ERC1: variants seen among roughly 807,000 people sequenced by gnomAD.
The protein encoded by ERC1 is ELKS/RAB6-interacting/CAST family member 1, also known as RAB6 interacting protein 2.
In ERC1, 56 loss-of-function variants were observed where a neutral mutation model predicts 132.0. The observed-to-expected ratio is 0.42, with a 90% CI of 0.34 to 0.53. The LOEUF (loss-of-function observed/expected upper bound fraction) is 0.53, where lower values mean the gene tolerates loss of function less well. ERC1 is among the 20% of genes least tolerant of loss of function. ERC1 has a pLI of 0.03. For synonymous variants in ERC1, 478 were observed against 476.1 expected, an observed-to-expected ratio of 1.00 and a Z score of -0.05; for missense variants, 1,202 against 1,349.9, an observed-to-expected ratio of 0.89 and a Z score of 1.72.
intron 12 of ERC1, among the ~76,000 whole-genome samples, chr12:1,203,081 G>A (rs1175552579): frequency 3.3e-5 from 5 of 152,142 alleles, no homozygotes; most frequent in African/African-American, 9.7e-5. Flanking sequence ...TTTTTGAGAC[G>A]GAGTCTTGCT....
At chr12:990,345 T>C (rs1959169664), upstream of ERC1, 1 of 151,018 alleles carries the variant, frequency 6.6e-6, no homozygotes, top group Non-Finnish European at 1.5e-5. Flanking sequence ...AGCTACCCTC[T>C]GCATGGCTCC....
chr12:1,106,624 T>C (rs769578109), intron 4 of ERC1, among the ~76,000 whole-genome samples: 5 of 152,192 alleles, frequency 3.3e-5, no homozygotes, highest in Non-Finnish European at 7.3e-5. Flanking sequence ...TAATTGGTAG[T>C]CTTGAGTATA....
At chr12:1,253,894 GTCT>G (rs2076623668) in intron 13 of ERC1, among the ~76,000 whole-genome samples, 1 of 152,180 alleles carries the variant, frequency 6.6e-6, no homozygotes, top group South Asian at 2.1e-4. Flanking sequence ...GAATATAGGA[GTCT>G]TCTTCTTTAA....
intron 2 of ERC1, among the ~76,000 whole-genome samples, chr12:1,042,145 C>T (rs1970317719): frequency 6.6e-6 from 1 of 152,094 alleles, no homozygotes; most frequent in Non-Finnish European, 1.5e-5. Context: ...TCACGCCATT[C>T]TCCTGCCTCA....
intron 16 of ERC1, among the ~76,000 whole-genome samples, chr12:1,378,911 G>A (rs1198443841): frequency 1.3e-5 from 2 of 152,102 alleles, no homozygotes; most frequent in African/African-American, 4.8e-5. Flanking sequence ...ATTCCCATTA[G>A]GGACTTCATG....
intron 16 of ERC1, among the ~76,000 whole-genome samples, chr12:1,401,068 T>G (rs1464460190): frequency 2.0e-5 from 3 of 151,478 alleles, no homozygotes; most frequent in Admixed American, 2.0e-4. Context: ...CCCGAGTAGC[T>G]GGGACTACAG....
chr12:1,313,111 C>A (rs2081429526), intron 15 of ERC1, among the ~76,000 whole-genome samples: 1 of 152,010 alleles, frequency 6.6e-6, no homozygotes, highest in Non-Finnish European at 1.5e-5. Context: ...TGGGCTCTTT[C>A]TTTTCCGCTA....
intron 7 of ERC1, among the ~76,000 whole-genome samples, chr12:1,117,227 G>T (rs1371059733): frequency 6.6e-6 from 1 of 152,078 alleles, no homozygotes; most frequent in Non-Finnish European, 1.5e-5. Context: ...TGGAAAAAAG[G>T]AATGAGGAGG....
chr12:1,176,781 C>A (rs557781128), intron 8 of ERC1, among the ~76,000 whole-genome samples: 2 of 152,220 alleles, frequency 1.3e-5, no homozygotes, highest in South Asian at 4.1e-4. Context: ...ATTGACTTAT[C>A]CTCTCTAGCT....
chr12:1,100,738 G>A (rs1160996422), intron 3 of ERC1, among the ~76,000 whole-genome samples: 2 of 152,188 alleles, frequency 1.3e-5, no homozygotes, highest in African/African-American at 4.8e-5. Context: ...ACTTGCAGAT[G>A]TGTTAACAGT....
intron 17 of ERC1, among the ~76,000 whole-genome samples, chr12:1,415,297 G>T (rs1342443860): frequency 2.0e-5 from 3 of 152,150 alleles, no homozygotes; most frequent in Non-Finnish European, 4.4e-5. Context: ...ACCTACCAAG[G>T]GGCTTAAAAG....
rs77179239 is a variant in ERC1 at position 1,473,003 on chromosome 12, C to T, written c.3214-17090C>T. On this transcript the variant is annotated intron_variant, in intron 18 of 18. Transcript: ENST00000360905. ...AATTTTGACTTTGGATAGACAGACC[C>T]GAATGGAGCCAAACTCTTGTTGTTT... 1.8e-3 allele frequency among the ~76,000 whole-genome samples: 281 copies of T among 152,118 alleles called. 3 individuals carry two copies. The highest frequency in any genetic ancestry group is 5.9e-3 in the African/African-American group (245 of 41,510).
At chr12:1,306,106 A>G (rs183537156) in intron 15 of ERC1, among the ~76,000 whole-genome samples, 1 of 152,344 alleles carries the variant, frequency 6.6e-6, no homozygotes, top group Non-Finnish European at 1.5e-5. Flanking sequence ...TTTAAAGAAA[A>G]AAAAACCTTC....
intron 16 of ERC1, among the ~76,000 whole-genome samples, chr12:1,404,193 G>A (rs1228800382): frequency 1.3e-5 from 2 of 152,158 alleles, no homozygotes; most frequent in Admixed American, 6.5e-5. Context: ...GCTTGCTCTC[G>A]GCTTCGTAGA....
rs567472201 is a variant in ERC1, at chr12:992,065, A to G, written c.-157+743A>G. On this transcript the variant is annotated intron_variant, in intron 1 of 18. Transcript: ENST00000360905. The stretch of plus-strand genomic sequence containing the variant: ...GCGTGGATGTATCTGAAAGTTTTAC[A>G]CCGAAGAAGAGGGAGATCTTCGGTT... 3.3e-5 allele frequency among the ~76,000 whole-genome samples: 5 copies of G among 152,228 alleles called. No individual in the cohort carries two copies. The South Asian group carries it at 1.0e-3, about 32-fold the overall frequency.
At chr12:1,359,828 G>T (rs898996658) in intron 15 of ERC1, among the ~76,000 whole-genome samples, 1 of 152,052 alleles carries the variant, frequency 6.6e-6, no homozygotes, top group Non-Finnish European at 1.5e-5. Context: ...AGGACTATTG[G>T]TCTGTATATA....
chr12:1,326,921 G>A (rs1373657025), intron 15 of ERC1, among the ~76,000 whole-genome samples: 1 of 151,986 alleles, frequency 6.6e-6, no homozygotes, highest in Non-Finnish European at 1.5e-5. Flanking sequence ...AAAATCTGTG[G>A]ATAATGTATA....
intron 15 of ERC1, among the ~76,000 whole-genome samples, chr12:1,302,703 C>T (rs1452450257): frequency 6.6e-6 from 1 of 152,144 alleles, no homozygotes; most frequent in Non-Finnish European, 1.5e-5. Flanking sequence ...TGGAATGGGT[C>T]ACGCCTGTAA....
At chr12:1,200,623 A>G (rs1480609796) in intron 12 of ERC1, among the ~76,000 whole-genome samples, 2 of 151,166 alleles carry the variant, frequency 1.3e-5, no homozygotes, top group Non-Finnish European at 2.9e-5. Context: ...CAGTGGCACG[A>G]TCTCGGCTCA....
Sources: allele counts gnomAD v4.1 joint callset (sites outside exome capture counted in the v4.1 genomes callset), GRCh38; gene constraint gnomAD v4.1.1; transcripts MANE v1.5; gene names NCBI Gene and HGNC (gene_info 2026-07-23, HGNC 2026-07-21).